Variants in GADL1 observed in about 807,000 individuals in gnomAD.
GADL1 encodes the protein GAD like acidic amino acid decarboxylase 1.
Under a neutral mutation model 69.5 loss-of-function variants are expected in GADL1, and 71 were observed. The observed-to-expected ratio is 1.02, with a 90% CI of 0.84 to 1.25. GADL1 has a LOEUF of 1.25. GADL1 is among the 50% of genes most tolerant of loss of function. The pLI is 0.00. For synonymous variants in GADL1, 254 were observed against 214.4 expected (o/e 1.18, Z -1.62); for missense variants, 737 against 631.8 (o/e 1.17, Z -1.79).
At chr3:30,841,972 C>T (rs1697972754) in intron 8 of GADL1, among the ~76,000 whole-genome samples, 2 of 152,112 alleles carry the variant, frequency 1.3e-5, no homozygotes, top group Admixed American at 6.6e-5. Context: ...GAGGTGAGCA[C>T]TTAGGGTCTC....
chr3:30,749,134 C>T (rs756129808), intron 14 of GADL1, among the ~76,000 whole-genome samples: 4 of 152,160 alleles, frequency 2.6e-5, no homozygotes, highest in African/African-American at 7.2e-5. Context: ...TGTTTTCTAG[C>T]GGTTGCTCTG....
intron 12 of GADL1, chr3:30,798,205 T>A (rs1697086750): frequency 6.5e-6 from 1 of 152,674 alleles, no homozygotes; most frequent in Non-Finnish European, 1.5e-5. Flanking sequence ...TTGGGCCTGC[T>A]GCTCCTTCCA....
chr3:30,780,398 C>T (rs1696638156), intron 13 of GADL1, among the ~76,000 whole-genome samples: 1 of 152,176 alleles, frequency 6.6e-6, no homozygotes, highest in Admixed American at 6.5e-5. Context: ...CCCTTGGGCG[C>T]TCTATCTCAG....
chr3:30,778,229 T>C lies in GADL1; in HGVS notation c.1342A>G (p.Ser448Gly). ...ANICFWYIPP[S>G]LREMEEGPEF... ...GGTCCTTCTTCCATCTCTCTGAGGCTCGGTGGAATGTACCAAAAGCAAATA... is the reference window on the plus strand; with the variant it reads ...GGTCCTTCTTCCATCTCTCTGAGGCCCGGTGGAATGTACCAAAAGCAAATA... The change falls in exon 14 of 15, where the codon AGC (serine) becomes GGC (glycine). Residue 448 changes from serine (S) to glycine (G), a missense_variant. Physicochemically the swap from Ser to Gly is moderately conservative, Grantham distance 56 (BLOSUM62 0). Coordinates refer to ENST00000282538, the MANE Select transcript of GADL1 (RefSeq NM_207359.3). 1.2e-6 allele frequency: 2 copies of C among 1,612,886 alleles called. No individual in the cohort carries two copies. The highest frequency in any genetic ancestry group is 1.7e-6 in the Non-Finnish European group (2 of 1,178,960).
chr3:30,859,695 T>C (rs939350764), intron 2 of GADL1, among the ~76,000 whole-genome samples: 1 of 151,974 alleles, frequency 6.6e-6, no homozygotes, highest in Non-Finnish European at 1.5e-5. Context: ...TGATGAAGAA[T>C]TTTCTGCTAA....
chr3:30,760,853 A>G (rs1016922257), intron 14 of GADL1, among the ~76,000 whole-genome samples: 1 of 152,124 alleles, frequency 6.6e-6, no homozygotes, highest in African/African-American at 2.4e-5. Flanking sequence ...AAATATACTG[A>G]TAAAGATGTC....
intron 14 of GADL1, among the ~76,000 whole-genome samples, chr3:30,732,435 G>A (rs546216255): frequency 3.9e-5 from 6 of 152,120 alleles, no homozygotes; most frequent in South Asian, 2.1e-4. Context: ...TTGGATACAC[G>A]GTGACTTAAT....
intron 1 of GADL1, among the ~76,000 whole-genome samples, chr3:30,862,184 G>A (rs1371001482): frequency 6.6e-6 from 1 of 151,916 alleles, no homozygotes; most frequent in African/African-American, 2.4e-5. Context: ...GCCCCTAGGA[G>A]AGAGTAAATA....
chr3:30,737,213 A>G (rs1695552362), intron 14 of GADL1, among the ~76,000 whole-genome samples: 1 of 152,178 alleles, frequency 6.6e-6, no homozygotes, highest in Non-Finnish European at 1.5e-5. Flanking sequence ...AGTTTGGTGA[A>G]TGATGATCTC....
chr3:30,892,259 C>T (rs1487741193), intron 1 of GADL1, among the ~76,000 whole-genome samples: 5 of 152,096 alleles, frequency 3.3e-5, no homozygotes, highest in African/African-American at 7.2e-5. Context: ...GGTATTCTTC[C>T]GTAATGTATA....
Position 30,768,817 on chromosome 3 carries a change from T to C in GADL1, c.1392+9362A>G, listed in dbSNP as rs558372918. Among the ~76,000 whole-genome samples the C allele has an allele frequency of 2.3e-3, 351 of 152,328 alleles. 1 individual carries two copies. The highest frequency in any genetic ancestry group is 3.9e-3 in the Non-Finnish European group (266 of 68,018). The stretch of plus-strand genomic sequence containing the variant: ...CCGGATACCCTGACACCTGTGATGC[T>C]GTAACTCTATAACATTTTCACAGCA... On this transcript the variant is annotated intron_variant, in intron 14 of 14. Coordinates refer to ENST00000282538, the MANE Select transcript of GADL1 (RefSeq NM_207359.3).
At chr3:30,805,586 ATGAAT>A (rs1264769731) in intron 11 of GADL1, among the ~76,000 whole-genome samples, 2 of 152,164 alleles carry the variant, frequency 1.3e-5, no homozygotes, top group African/African-American at 4.8e-5. Context: ...ATGTGAAAGA[ATGAAT>A]CCGTAGGTTG....
chr3:30,887,884 A>C lies in GADL1; in HGVS notation c.37+6694T>G, dbSNP rs138529701. On this transcript the variant is annotated intron_variant, in intron 1 of 14. Coordinates refer to ENST00000282538, the MANE Select transcript of GADL1 (RefSeq NM_207359.3). The stretch of plus-strand genomic sequence containing the variant: ...GGTAAAACTATTTTAAAAATGCAAG[A>C]AAGTAATGACAGTCAATGCTTGGTG... Among the ~76,000 whole-genome samples, 528 of 152,336 alleles carry C rather than the reference A, an allele frequency of 3.5e-3. 9 individuals are homozygous for C. Among genetic ancestry groups the C allele is most frequent in the African/African-American group, 0.012 (497 of 41,590 alleles).
At chr3:30,845,718 GTAAT>G (rs565258683) in intron 6 of GADL1, among the ~76,000 whole-genome samples, 72 of 152,276 alleles carry the variant, frequency 4.7e-4, no homozygotes, top group African/African-American at 1.6e-3. Flanking sequence ...ACAAGAAAGT[GTAAT>G]TAATTCTCTA....
intron 11 of GADL1, among the ~76,000 whole-genome samples, chr3:30,810,460 T>C (rs1396366579): frequency 6.6e-6 from 1 of 152,158 alleles, no homozygotes; most frequent in East Asian, 1.9e-4. Flanking sequence ...TCTTCCACCT[T>C]TGGCCCTTTG....
chr3:30,888,803 G>C (rs1698745277), intron 1 of GADL1, among the ~76,000 whole-genome samples: 1 of 151,986 alleles, frequency 6.6e-6, no homozygotes, highest in Admixed American at 6.6e-5. Flanking sequence ...TTCCCTACAT[G>C]AAAAGTAATG....
chr3:30,846,775 G>A lies in GADL1; in HGVS notation c.652-2309C>T, dbSNP rs555597077. ...CATGCTCTGCAGGATGTCCTACGAA[G>A]CACCTGCTTGCCCGTGGAGAAGACC... On this transcript the variant is annotated intron_variant, in intron 6 of 14. Transcript: ENST00000282538. Among the ~76,000 whole-genome samples the A allele has an allele frequency of 1.0e-3, 152 of 152,238 alleles. 1 individual carries two copies. The South Asian group carries it at 0.029, about 29-fold the overall frequency.
At chr3:30,738,635 T>C (rs1371512723) in intron 14 of GADL1, among the ~76,000 whole-genome samples, 2 of 152,188 alleles carry the variant, frequency 1.3e-5, no homozygotes, top group East Asian at 3.9e-4. Flanking sequence ...GAGGAGAGAA[T>C]GAGTACAATC....
intron 1 of GADL1, among the ~76,000 whole-genome samples, chr3:30,880,714 T>C (rs1337229960): frequency 3.3e-5 from 5 of 152,048 alleles, no homozygotes; most frequent in African/African-American, 1.2e-4. Context: ...TTGTGGAGGA[T>C]TTTGGTATCC....
Sources: allele counts gnomAD v4.1 joint callset (sites outside exome capture counted in the v4.1 genomes callset), GRCh38; gene constraint gnomAD v4.1.1; transcripts MANE v1.5; gene names NCBI Gene and HGNC (gene_info 2026-07-23, HGNC 2026-07-21).